Variants in RANBP17 observed in about 807,000 individuals in gnomAD.
The protein encoded by RANBP17 is RAN binding protein 17, also known as ran-binding protein 17.
Under a neutral mutation model 141.2 loss-of-function variants are expected in RANBP17, and 158 were observed. The ratio of observed to expected loss-of-function variants is 1.12; its 90% CI spans 0.98 to 1.28. The LOEUF is 1.28. Among genes scored for constraint, RANBP17 ranks in the 50% most tolerant of loss-of-function variants. RANBP17 has a pLI of 0.00. For synonymous variants in RANBP17, 430 were observed against 450.0 expected (o/e 0.96, Z 0.56); for missense variants, 1,438 against 1,290.7 (o/e 1.11, Z -1.75).
At chr5:171,142,154 G>A (rs1167643068) in intron 14 of RANBP17, among the ~76,000 whole-genome samples, 1 of 152,064 alleles carries the variant, frequency 6.6e-6, no homozygotes, top group Non-Finnish European at 1.5e-5. Context: ...TTTACTTTTG[G>A]TTTTTAATGA....
intron 14 of RANBP17, among the ~76,000 whole-genome samples, chr5:170,991,819 C>T (rs1440862852): frequency 6.6e-6 from 1 of 151,908 alleles, no homozygotes; most frequent in African/African-American, 2.4e-5. Context: ...ATAAGAAGAA[C>T]TATTTTTAAA....
At chr5:171,145,617 TAGAG>T (rs1350595533) in intron 14 of RANBP17, among the ~76,000 whole-genome samples, 4 of 152,150 alleles carry the variant, frequency 2.6e-5, no homozygotes, top group Admixed American at 2.6e-4. Context: ...ATCAGCGCAA[TAGAG>T]AAAGATTGCA....
chr5:171,269,377 C>T (rs1029692939), intron 25 of RANBP17, among the ~76,000 whole-genome samples: 8 of 152,162 alleles, frequency 5.3e-5, no homozygotes, highest in African/African-American at 1.2e-4. Flanking sequence ...CTCTCTGCTG[C>T]GTATAAAATT....
In RANBP17 at chr5:170,959,124, G is replaced by A. The variant is rs140188227; in HGVS notation, c.1574+5422G>A. Reference sequence around the variant, plus strand: ...GTAGATTGAGTGCTAGCTTCTTTCAGACCTATTCTACTTAGCTGTGCCACC... The same window carrying A: ...GTAGATTGAGTGCTAGCTTCTTTCAAACCTATTCTACTTAGCTGTGCCACC... On this transcript the variant is annotated intron_variant, in intron 13 of 27. Coordinates refer to ENST00000523189, the MANE Select transcript of RANBP17 (RefSeq NM_022897.5). Among the ~76,000 whole-genome samples, 225 of 152,206 alleles carry A rather than the reference G, an allele frequency of 1.5e-3. 2 individuals carry two copies. Among genetic ancestry groups the A allele is most frequent in the African/African-American group, 4.3e-3 (179 of 41,536 alleles).
At chr5:170,964,768 G>T (rs1483882995) in intron 13 of RANBP17, among the ~76,000 whole-genome samples, 3 of 152,196 alleles carry the variant, frequency 2.0e-5, no homozygotes, top group Non-Finnish European at 4.4e-5. Flanking sequence ...TGGTGTATAT[G>T]TGCCACATTT....
chr5:171,217,690 G>T (rs1251417924), intron 21 of RANBP17, among the ~76,000 whole-genome samples: 1 of 152,076 alleles, frequency 6.6e-6, no homozygotes, highest in Non-Finnish European at 1.5e-5. Flanking sequence ...GTTTATTTGT[G>T]TAGAGGTGTT....
chr5:170,913,820 T>G (rs1213075786), intron 7 of RANBP17, among the ~76,000 whole-genome samples: 3 of 148,116 alleles, frequency 2.0e-5, no homozygotes, highest in African/African-American at 7.4e-5. Flanking sequence ...TAGGGTACAG[T>G]TTTTTTTTTA....
chr5:170,924,398 T>C lies in RANBP17; in HGVS notation c.1316T>C (p.Phe439Ser), dbSNP rs755006815. ...CCACTGGATGATACTGCCACTGTGT[T>C]TCAGCAGTTGGAGCAGTTGTGCACG... Reference protein sequence around the residue: ...DDPLDDTATVFQQLEQLCTVS... With the variant: ...DDPLDDTATVSQQLEQLCTVS... The change falls in exon 12 of 28, where the codon TTT (phenylalanine) becomes TCT (serine). Residue 439 changes from phenylalanine to serine, a missense_variant. Coordinates refer to ENST00000523189, the MANE Select transcript of RANBP17 (RefSeq NM_022897.5). 6.2e-7 allele frequency: 1 copy of C among 1,607,348 alleles called. No homozygotes were observed. The highest frequency in any genetic ancestry group is 8.5e-7 in the Non-Finnish European group (1 of 1,174,670).
intron 18 of RANBP17, among the ~76,000 whole-genome samples, chr5:171,188,838 T>C (rs1341315739): frequency 1.3e-5 from 2 of 152,196 alleles, no homozygotes; most frequent in Admixed American, 6.5e-5. Flanking sequence ...TATTACTGCA[T>C]TGATAATTGA....
chr5:171,057,806 A>T (rs1161295205), intron 14 of RANBP17, among the ~76,000 whole-genome samples: 1 of 152,018 alleles, frequency 6.6e-6, no homozygotes, highest in Admixed American at 6.6e-5. Context: ...TGCTTACAAA[A>T]CCATCAGATC....
In RANBP17 at chr5:170,919,450, T is replaced by G; in HGVS notation, c.1111T>G (p.Phe371Val). 1 of 1,572,290 alleles carries G rather than the reference T, an allele frequency of 6.4e-7. No individual in the cohort carries two copies. Among genetic ancestry groups the G allele is most frequent in the South Asian group, 1.2e-5 (1 of 83,080 alleles). ...CTTTATTTCTTTGTAGCACTGGGAA[T>G]TTGCTCCTAACAGTGTTCATTATTT... ...FTITSLQHWE[F>V]APNSVHYLLT... Residue 371 changes from phenylalanine (F) to valine (V), a missense_variant, in exon 11 of 28, where the codon TTT becomes GTT. Coordinates refer to ENST00000523189, the MANE Select transcript of RANBP17 (RefSeq NM_022897.5).
At chr5:170,891,399 T>C (rs761272002) in intron 3 of RANBP17, among the ~76,000 whole-genome samples, 3 of 152,180 alleles carry the variant, frequency 2.0e-5, no homozygotes, top group Non-Finnish European at 2.9e-5. Context: ...TGGAAAGATA[T>C]AATACCAGAT....
intron 14 of RANBP17, among the ~76,000 whole-genome samples, chr5:171,031,556 A>G (rs1781550258): frequency 6.6e-6 from 1 of 151,982 alleles, no homozygotes; most frequent in South Asian, 2.1e-4. Flanking sequence ...CTTTCCAGTT[A>G]GGATTTGATT....
At position 170,998,025 on chromosome 5, in the gene RANBP17, G is replaced by A. The variant is rs542250056; in HGVS notation, c.1710+29648G>A. On this transcript the variant is annotated intron_variant, in intron 14 of 27. Coordinates refer to ENST00000523189, the MANE Select transcript of RANBP17 (RefSeq NM_022897.5). Reference sequence around the variant, plus strand: ...AGCACTTTGGGAGGCTGAGGCGGGCGGATCACATGAGGCCAGGGATTTGAG... The same window carrying A: ...AGCACTTTGGGAGGCTGAGGCGGGCAGATCACATGAGGCCAGGGATTTGAG... Among the ~76,000 whole-genome samples, 30 of 151,606 alleles carry A rather than the reference G, an allele frequency of 2.0e-4. No individual in the cohort carries two copies. In the South Asian group the frequency reaches 2.9e-3, roughly 15 times the overall value.
chr5:170,899,828 G>T (rs1252978728), intron 5 of RANBP17, among the ~76,000 whole-genome samples: 1 of 152,140 alleles, frequency 6.6e-6, no homozygotes, highest in East Asian at 1.9e-4. Flanking sequence ...TTATTGATTT[G>T]CATATGTTGA....
intron 12 of RANBP17, among the ~76,000 whole-genome samples, chr5:170,940,021 A>G (rs1374385106): frequency 6.6e-6 from 1 of 152,216 alleles, no homozygotes; most frequent in Non-Finnish European, 1.5e-5. Flanking sequence ...ACAATAGACA[A>G]TAAAAAAATG....
intron 14 of RANBP17, among the ~76,000 whole-genome samples, chr5:171,057,369 G>T (rs567219364): frequency 6.6e-6 from 1 of 152,040 alleles, no homozygotes; most frequent in Non-Finnish European, 1.5e-5. Context: ...AATAAAGTTA[G>T]CATATTTTAT....
At chr5:171,250,376 G>A (rs1765478808) in intron 24 of RANBP17, among the ~76,000 whole-genome samples, 1 of 152,018 alleles carries the variant, frequency 6.6e-6, no homozygotes, top group African/African-American at 2.4e-5. Flanking sequence ...ATGGTACCAC[G>A]ACAGAAATTC....
intron 19 of RANBP17, 106 bp from the exon 20 acceptor site, chr5:171,205,418 A>T: frequency 1.2e-6 from 1 of 860,936 alleles, no homozygotes; most frequent in Non-Finnish European, 1.9e-6. Flanking sequence ...GAGACATTTT[A>T]GCTAATGAAT....
Sources: gnomAD v4.1 joint callset for allele counts (sites outside exome capture counted in the v4.1 genomes callset) on GRCh38, gnomAD v4.1.1 for gene constraint, MANE v1.5 for transcripts, NCBI Gene and HGNC (gene_info 2026-07-23, HGNC 2026-07-21) for gene names.